The following SLC35D2 variants were observed in gnomAD, a reference collection of about 807,000 sequenced individuals.
SLC35D2 encodes nucleotide sugar transporter SLC35D2.
In SLC35D2, 43 loss-of-function variants were observed where a neutral mutation model predicts 41.8. That is an observed-to-expected ratio of 1.03 (90% CI 0.81 to 1.33). The LOEUF is 1.33. Among genes scored for constraint, SLC35D2 ranks in the 40% most tolerant of loss-of-function variants. The pLI is 0.00. For missense variants in SLC35D2, 380 were observed against 408.4 expected, an observed-to-expected ratio of 0.93 and a Z score of 0.60; for synonymous variants, 150 against 163.9, an observed-to-expected ratio of 0.92 and a Z score of 0.65.
chr9:96,378,522 G>T (rs900494063), intron 1 of SLC35D2, among the ~76,000 whole-genome samples: 2 of 152,098 alleles, frequency 1.3e-5, no homozygotes, highest in Non-Finnish European at 2.9e-5. Context: ...TTGTTGAAAT[G>T]AATACAGTAA....
intron 3 of SLC35D2, among the ~76,000 whole-genome samples, chr9:96,362,212 G>A (rs1191953647): frequency 2.0e-5 from 3 of 152,112 alleles, no homozygotes; most frequent in Non-Finnish European, 2.9e-5. Flanking sequence ...CGAGACTACA[G>A]AATTTAGGGA....
At position 96,364,474 on chromosome 9, in the gene SLC35D2, A is replaced by G. The variant is rs1289654961; in HGVS notation, c.269T>C (p.Ile90Thr). The change falls in exon 3 of 12, where the codon ATT becomes ACT. Residue 90 changes from isoleucine to threonine, a missense_variant. Coordinates refer to ENST00000253270, the MANE Select transcript of SLC35D2 (RefSeq NM_007001.3). The stretch of plus-strand genomic sequence containing the variant: ...CTTTTCATTACTTACCTTTACAGGA[A>G]TTTTCTTATCAAAATCAGGGAAGTG... ...IIHFPDFDKKIPVKLFPLPLL... is the reference protein window; with the variant it reads ...IIHFPDFDKKTPVKLFPLPLL... The G allele has an allele frequency of 3.2e-6, 5 of 1,567,008 alleles. No homozygotes were observed. In the Admixed American group the frequency reaches 6.7e-5, roughly 21 times the overall value.
chr9:96,356,006 C>A (rs200471111), intron 4 of SLC35D2, among the ~76,000 whole-genome samples: 1 of 152,152 alleles, frequency 6.6e-6, no homozygotes, highest in Non-Finnish European at 1.5e-5. Flanking sequence ...GAAGGTGGAG[C>A]CTGGTGGGCA....
intron 8 of SLC35D2, among the ~76,000 whole-genome samples, chr9:96,340,268 A>C (rs1233258571): frequency 6.6e-6 from 1 of 152,184 alleles, no homozygotes; most frequent in Admixed American, 6.5e-5. Context: ...TTTTTCTTGC[A>C]GATTACAGTG....
At chr9:96,378,118 G>C (rs1286943599) in intron 1 of SLC35D2, among the ~76,000 whole-genome samples, 1 of 152,090 alleles carries the variant, frequency 6.6e-6, no homozygotes, top group Non-Finnish European at 1.5e-5. Flanking sequence ...AAGTGATTAA[G>C]ACTACTGGGC....
At chr9:96,353,975 C>T (rs1829918057) in intron 4 of SLC35D2, among the ~76,000 whole-genome samples, 1 of 152,194 alleles carries the variant, frequency 6.6e-6, no homozygotes, top group African/African-American at 2.4e-5. Context: ...TCATCAACCA[C>T]ACTGCATCCA....
At chr9:96,368,357 GA>G in intron 1 of SLC35D2, 52 bp from the exon 2 acceptor site, 1 of 1,340,000 alleles carries the variant, frequency 7.5e-7, no homozygotes, top group Non-Finnish European at 1.0e-6. Context: ...AAACTCTGAA[GA>G]TAGTACATAA....
Position 96,336,785 on chromosome 9 carries a change from C to A in SLC35D2, c.685-1G>T. ...TCTTCCATTGGTTGAATTCAGTAGC[C>A]TATTATTAAAAAGAAAAAAACTAAT... On this transcript the variant is annotated splice_acceptor_variant, in intron 8 of 11. Transcript: ENST00000253270. LOFTEE classifies it high-confidence loss of function. 6.5e-7 allele frequency: 1 copy of A among 1,546,834 alleles called. No homozygotes were observed. The highest frequency in any genetic ancestry group is 1.2e-5 in the South Asian group (1 of 85,546).
intron 9 of SLC35D2, among the ~76,000 whole-genome samples, chr9:96,331,497 C>CT (rs1214524465): frequency 1.3e-5 from 2 of 151,332 alleles, no homozygotes; most frequent in African/African-American, 2.4e-5. Context: ...CCCTCCCTCC[C>CT]TTTTTTTTTC....
downstream of SLC35D2, among the ~76,000 whole-genome samples, chr9:96,317,056 T>A (rs1438016882): frequency 6.6e-6 from 1 of 150,452 alleles, no homozygotes; most frequent in Non-Finnish European, 1.5e-5. Context: ...GAGAATGGTG[T>A]GAAACTGGAA....
intron 8 of SLC35D2, among the ~76,000 whole-genome samples, chr9:96,342,565 C>T (rs1169867780): frequency 2.6e-5 from 4 of 152,146 alleles, no homozygotes; most frequent in East Asian, 1.9e-4. Context: ...TGCAGGTGCC[C>T]GCTTTATCTT....
intron 9 of SLC35D2, among the ~76,000 whole-genome samples, chr9:96,334,538 T>A (rs2130873712): frequency 6.6e-6 from 1 of 152,192 alleles, no homozygotes; most frequent in South Asian, 2.1e-4. Flanking sequence ...CTCAGGAGGC[T>A]GAGGCAGGAG....
At chr9:96,368,395 C>A in intron 1 of SLC35D2, 90 bp from the exon 2 acceptor site, 1 of 978,710 alleles carries the variant, frequency 1.0e-6, no homozygotes, top group South Asian at 1.7e-5. Flanking sequence ...ATTAAACAAT[C>A]TGAGAAAATG....
chr9:96,344,715 G>T (rs985495263), intron 7 of SLC35D2, among the ~76,000 whole-genome samples: 2 of 146,758 alleles, frequency 1.4e-5, no homozygotes, highest in African/African-American at 2.6e-5. Context: ...AACAGCTGGG[G>T]GTGGGGGAGG....
At chr9:96,376,678 CAGG>C (rs1003290619) in intron 1 of SLC35D2, among the ~76,000 whole-genome samples, 2 of 151,902 alleles carry the variant, frequency 1.3e-5, no homozygotes, top group Admixed American at 6.6e-5. Flanking sequence ...GAGGCTGGGG[CAGG>C]AGAATTGCCT....
At chr9:96,355,113 G>C (rs1416930149) in intron 4 of SLC35D2, among the ~76,000 whole-genome samples, 1 of 151,462 alleles carries the variant, frequency 6.6e-6, no homozygotes, top group Non-Finnish European at 1.5e-5. Context: ...TCCGCCTCCT[G>C]GCTCAAGCGA....
At chr9:96,316,503 G>T (rs889910793), downstream of SLC35D2, among the ~76,000 whole-genome samples, 15 of 124,698 alleles carry the variant, frequency 1.2e-4, no homozygotes, top group African/African-American at 4.5e-4. Flanking sequence ...AAAAAAAAAA[G>T]GGGGGGAAGA....
chr9:96,353,891 A>C (rs10990681), intron 4 of SLC35D2, among the ~76,000 whole-genome samples: 2,121 of 152,292 alleles, frequency 0.014, 47 homozygotes, highest in African/African-American at 0.047. Flanking sequence ...CTAGGGAAAG[A>C]AAGTCAGAGC....
At chr9:96,370,294 A>G (rs994281127) in intron 1 of SLC35D2, among the ~76,000 whole-genome samples, 2 of 152,212 alleles carry the variant, frequency 1.3e-5, no homozygotes, top group African/African-American at 4.8e-5. Context: ...TACGCCTCTG[A>G]GAATACAACC....
Sources: gnomAD v4.1 joint callset for allele counts (sites outside exome capture counted in the v4.1 genomes callset) on GRCh38, gnomAD v4.1.1 for gene constraint, MANE v1.5 for transcripts, NCBI Gene and HGNC (gene_info 2026-07-23, HGNC 2026-07-21) for gene names.